The following NCAM2 variants were observed in gnomAD, a reference collection of about 807,000 sequenced individuals.
NCAM2 encodes the protein N-CAM-2.
Under a neutral mutation model 98.1 loss-of-function variants are expected in NCAM2, and 30 were observed. The ratio of observed to expected loss-of-function variants is 0.31; its 90% CI spans 0.23 to 0.41. The LOEUF (loss-of-function observed/expected upper bound fraction) is 0.41. Ranked by LOEUF, NCAM2 falls within the 10% of genes least tolerant of loss-of-function variation. The pLI is 1.00. For missense variants in NCAM2, 867 were observed against 1,005.8 expected, an observed-to-expected ratio of 0.86 and a Z score of 1.87; for synonymous variants, 368 against 342.4, an observed-to-expected ratio of 1.07 and a Z score of -0.83.
intron 9 of NCAM2, among the ~76,000 whole-genome samples, chr21:21,406,862 A>C (rs2076748476): frequency 6.6e-6 from 1 of 152,194 alleles, no homozygotes; most frequent in Admixed American, 6.5e-5. Context: ...AAAAAAATGC[A>C]AGTTCAAGAT....
chr21:21,238,782 C>G (rs1286714616), intron 1 of NCAM2, among the ~76,000 whole-genome samples: 2 of 151,952 alleles, frequency 1.3e-5, no homozygotes. Context: ...CATTTTCTAC[C>G]GACATAATCA....
At chr21:21,389,169 G>T (rs112976980) in intron 9 of NCAM2, among the ~76,000 whole-genome samples, 116 of 152,304 alleles carry the variant, frequency 7.6e-4, no homozygotes, top group African/African-American at 2.6e-3. Context: ...CCACATGGGT[G>T]GGGGGAAGCC....
intron 4 of NCAM2, 78 bp from the exon 5 acceptor site, chr21:21,292,026 A>T: frequency 7.3e-7 from 1 of 1,363,132 alleles, no homozygotes; most frequent in Non-Finnish European, 9.9e-7. Context: ...GCCATATTTT[A>T]ACTCTTAACA....
chr21:21,142,380 T>TTG (rs1555890275), intron 1 of NCAM2, among the ~76,000 whole-genome samples: 2 of 140,706 alleles, frequency 1.4e-5, no homozygotes, highest in African/African-American at 2.6e-5. Flanking sequence ...TTTTTATGTT[T>TTG]TTTTTTTTTT....
At chr21:21,529,582 A>G (rs934427336) in intron 16 of NCAM2, among the ~76,000 whole-genome samples, 17 of 151,976 alleles carry the variant, frequency 1.1e-4, no homozygotes, top group African/African-American at 3.9e-4. Context: ...CCTTTTCTAA[A>G]CTAATCATTC....
intron 8 of NCAM2, among the ~76,000 whole-genome samples, chr21:21,353,087 T>C: frequency 6.6e-6 from 1 of 152,088 alleles, no homozygotes; most frequent in Non-Finnish European, 1.5e-5. Context: ...GAAAGTGTTA[T>C]TTTCTATTAT....
intron 1 of NCAM2, among the ~76,000 whole-genome samples, chr21:21,110,078 A>G (rs1237955565): frequency 6.6e-6 from 1 of 152,206 alleles, no homozygotes; most frequent in Non-Finnish European, 1.5e-5. Flanking sequence ...TTGGGATTAC[A>G]AAGAAGGAAA....
chr21:21,079,646 T>C (rs1351378904), intron 1 of NCAM2, among the ~76,000 whole-genome samples: 1 of 152,208 alleles, frequency 6.6e-6, no homozygotes, highest in African/African-American at 2.4e-5. Flanking sequence ...GTTATTGTTA[T>C]AACTTCTTCC....
chr21:21,534,430 G>T, intron 16 of NCAM2, 107 bp from the exon 17 acceptor site: 1 of 942,212 alleles, frequency 1.1e-6, no homozygotes, highest in East Asian at 2.9e-5. Flanking sequence ...AACCAAGTTG[G>T]ATTTATTTGG....
chr21:21,106,966 T>C (rs756848863), intron 1 of NCAM2, among the ~76,000 whole-genome samples: 3 of 152,136 alleles, frequency 2.0e-5, no homozygotes, highest in African/African-American at 7.2e-5. Flanking sequence ...GAGGTACTTG[T>C]GATAAGAAAT....
chr21:21,361,079 T>C (rs935433772), intron 8 of NCAM2, among the ~76,000 whole-genome samples: 1 of 152,152 alleles, frequency 6.6e-6, no homozygotes, highest in Non-Finnish European at 1.5e-5. Context: ...GTGGAACCTG[T>C]ATGTTACCAT....
chr21:21,404,566 C>A (rs1246420010), intron 9 of NCAM2, among the ~76,000 whole-genome samples: 3 of 151,972 alleles, frequency 2.0e-5, no homozygotes, highest in African/African-American at 7.2e-5. Flanking sequence ...ATAAATTACC[C>A]AGTTTTGAAT....
Position 21,484,872 on chromosome 21 carries a change from A to G in NCAM2, c.2077+7401A>G, listed in dbSNP as rs967750345. 2.0e-5 allele frequency among the ~76,000 whole-genome samples: 3 copies of G among 152,294 alleles called. No homozygotes were observed. The East Asian group carries it at 5.8e-4, about 29-fold the overall frequency. On this transcript the variant is annotated intron_variant, in intron 15 of 17. Coordinates refer to ENST00000400546, the MANE Select transcript of NCAM2 (RefSeq NM_004540.5). ...CCTAAAGTTGACCTTGTTAAATAGC[A>G]TGTCACTTGTACTTGAAACTTAAGC...
At chr21:21,060,064 GATA>G (rs772508717) in intron 1 of NCAM2, among the ~76,000 whole-genome samples, 7 of 152,124 alleles carry the variant, frequency 4.6e-5, no homozygotes, top group Non-Finnish European at 7.4e-5. Context: ...GAACTAATCT[GATA>G]ATAAGGTGAG....
chr21:21,055,810 G>A (rs1157976960), intron 1 of NCAM2, among the ~76,000 whole-genome samples: 6 of 151,982 alleles, frequency 3.9e-5, no homozygotes, highest in African/African-American at 1.5e-4. Flanking sequence ...TAATAATCGA[G>A]CCTAACTCGT....
At chr21:21,316,834 G>A (rs982141307) in intron 5 of NCAM2, among the ~76,000 whole-genome samples, 8 of 152,108 alleles carry the variant, frequency 5.3e-5, no homozygotes, top group African/African-American at 9.6e-5. Flanking sequence ...GTTAGCCACC[G>A]CGCCCGGCCA....
chr21:21,253,511 C>G (rs925117936), intron 1 of NCAM2, among the ~76,000 whole-genome samples: 1 of 151,946 alleles, frequency 6.6e-6, no homozygotes, highest in African/African-American at 2.4e-5. Flanking sequence ...TTCCACAATG[C>G]GAGGACACAG....
chr21:21,092,363 A>G (rs1233091730), intron 1 of NCAM2, among the ~76,000 whole-genome samples: 1 of 152,054 alleles, frequency 6.6e-6, no homozygotes, highest in Non-Finnish European at 1.5e-5. Flanking sequence ...TTTAAATATT[A>G]AAAATAATTA....
chr21:21,343,821 G>T (rs2075114608), intron 8 of NCAM2, among the ~76,000 whole-genome samples: 1 of 152,132 alleles, frequency 6.6e-6, no homozygotes, highest in Non-Finnish European at 1.5e-5. Context: ...CATAAGGACT[G>T]CAACTCTTAG....
Sources: allele counts gnomAD v4.1 joint callset (sites outside exome capture counted in the v4.1 genomes callset), GRCh38; gene constraint gnomAD v4.1.1; transcripts MANE v1.5; gene names NCBI Gene and HGNC (gene_info 2026-07-23, HGNC 2026-07-21).